Variants in GALC observed in about 807,000 individuals in gnomAD.
GALC encodes the protein galactocerebrosidase.
A neutral mutation model predicts 91.8 loss-of-function variants in GALC; 77 were observed. The ratio of observed to expected loss-of-function variants is 0.84; its 90% confidence interval spans 0.70 to 1.01. The LOEUF is 1.01. GALC is among the 50% of genes least tolerant of loss of function. GALC has a pLI of 0.00. For synonymous variants in GALC, 357 were observed against 306.7 expected (o/e 1.16, Z -1.71); for missense variants, 882 against 855.9 (o/e 1.03, Z -0.38).
At chr14:87,956,808 GATCA>G (rs1885577603) in intron 10 of GALC, among the ~76,000 whole-genome samples, 1 of 151,844 alleles carries the variant, frequency 6.6e-6, no homozygotes, top group South Asian at 2.1e-4. Flanking sequence ...ATGAATGGCA[GATCA>G]ATCAATTTAG....
intron 10 of GALC, chr14:87,953,190 C>T: frequency 1.3e-6 from 2 of 1,498,784 alleles, no homozygotes; most frequent in African/African-American, 2.8e-5. Flanking sequence ...AGGTCTCAGA[C>T]CTTAAAATGT....
At chr14:87,947,986 G>T in intron 12 of GALC, 108 bp from the exon 13 acceptor site, 1 of 946,896 alleles carries the variant, frequency 1.1e-6, no homozygotes, top group Non-Finnish European at 1.6e-6. Flanking sequence ...AATCATTTCT[G>T]TTAGAACTTC....
chr14:87,959,331 G>C (rs1246623611), intron 10 of GALC, among the ~76,000 whole-genome samples: 1 of 152,170 alleles, frequency 6.6e-6, no homozygotes, highest in Non-Finnish European at 1.5e-5. Flanking sequence ...ACAAGTGTTG[G>C]TGAGGATGTG....
chr14:87,974,516 A>C (rs1466692197), intron 7 of GALC, among the ~76,000 whole-genome samples: 2 of 152,092 alleles, frequency 1.3e-5, no homozygotes, highest in Non-Finnish European at 2.9e-5. Context: ...GGAGAAATAG[A>C]CCCCACTAAC....
intron 16 of GALC, among the ~76,000 whole-genome samples, chr14:87,937,898 T>G (rs903815132): frequency 1.3e-5 from 2 of 150,822 alleles, no homozygotes; most frequent in Admixed American, 6.7e-5. Flanking sequence ...TTTGTTCCTG[T>G]GTTCTCTCAT....
intron 8 of GALC, among the ~76,000 whole-genome samples, chr14:87,966,516 T>C (rs944544382): frequency 6.6e-6 from 1 of 152,188 alleles, no homozygotes; most frequent in Non-Finnish European, 1.5e-5. Flanking sequence ...AAAAAGAGAC[T>C]GACATTCTTA....
upstream of GALC, chr14:87,993,516 C>T (rs1887336149): frequency 6.6e-7 from 1 of 1,518,514 alleles, no homozygotes; most frequent in Non-Finnish European, 8.8e-7. Context: ...GAGTATCTAC[C>T]TCGTGCGAGG....
intron 2 of GALC, 33 bp downstream of exon 2, chr14:87,988,420 TCA>T (rs1257717129): frequency 6.9e-7 from 1 of 1,443,180 alleles, no homozygotes. Context: ...TTCTAAAATA[TCA>T]CAGGTACCAT....
chr14:87,954,486 G>A lies in GALC; in HGVS notation c.1162-3738C>T, dbSNP rs143163179. 1,773 of 1,570,170 alleles carry A rather than the reference G, an allele frequency of 1.1e-3. 13 individuals carry two copies. In the African/African-American group the frequency reaches 0.022, roughly 19 times the overall value. On this transcript the variant is annotated intron_variant, in intron 10 of 16. Transcript: ENST00000261304. ...GAATTTAAATATCTTTTTGTTCAGC[G>A]CAATTACACACTAGAAAACCTAAAA...
At chr14:87,984,119 T>A (rs1886863341) in intron 5 of GALC, among the ~76,000 whole-genome samples, 1 of 135,250 alleles carries the variant, frequency 7.4e-6, no homozygotes. Context: ...GAAGGAGAAT[T>A]TGAGTTGGGT....
rs116258242 is a variant in GALC at position 87,988,594 on chromosome 14, G to A, written c.196-71C>T. On this transcript the variant is annotated intron_variant, in intron 1 of 16. Coordinates refer to ENST00000261304, the MANE Select transcript of GALC (RefSeq NM_000153.4). The stretch of plus-strand genomic sequence containing the variant: ...ATGAATATCTGTCTACAGTGTTCAC[G>A]CACACCACCTGGTATACACATATTT... 8.7e-3 allele frequency: 9,086 copies of A among 1,048,704 alleles called. 555 individuals are homozygous for A. In the African/African-American group the frequency reaches 0.13, roughly 15 times the overall value. 65.0% of individuals were successfully genotyped at this position (1,048,704 alleles called of 1,614,324 possible). A position where few individuals can be genotyped will look rare whatever the true frequency, so the allele number is the denominator to read the frequency against.
intron 7 of GALC, among the ~76,000 whole-genome samples, chr14:87,970,287 T>C (rs1886231516): frequency 6.6e-6 from 1 of 152,138 alleles, no homozygotes; most frequent in Non-Finnish European, 1.5e-5. Context: ...CACTGTAAAG[T>C]AATATGCTAG....
intron 10 of GALC, chr14:87,953,044 T>C (rs1595201593): frequency 2.9e-6 from 4 of 1,364,902 alleles, no homozygotes. Context: ...ACTAAACAAA[T>C]TAATATAGGG....
rs191997404 is a variant in GALC at position 87,985,302 on chromosome 14, C to A, written c.443-769G>T. ...GTTCACCACTGAAAAAAATAAAAATCAAAATGACAAAATGCTTATTTTCTA... is the reference window on the plus strand; with the variant it reads ...GTTCACCACTGAAAAAAATAAAAATAAAAATGACAAAATGCTTATTTTCTA... On this transcript the variant is annotated intron_variant, in intron 4 of 16. Coordinates refer to ENST00000261304, the MANE Select transcript of GALC (RefSeq NM_000153.4). Among the ~76,000 whole-genome samples the A allele has an allele frequency of 5.9e-3, 896 of 152,106 alleles. 11 individuals are homozygous for A. Among genetic ancestry groups the A allele is most frequent in the African/African-American group, 0.019 (773 of 41,504 alleles).
intron 3 of GALC, 36 bp downstream of exon 3, chr14:87,988,108 T>C (rs375868302): frequency 1.1e-5 from 16 of 1,522,136 alleles, no homozygotes; most frequent in African/African-American, 2.7e-5. Flanking sequence ...GATTAAAATG[T>C]TGATGGGAGA....
intron 16 of GALC, among the ~76,000 whole-genome samples, chr14:87,936,896 C>CCATATATATATA (rs1555378200): frequency 5.7e-4 from 2 of 3,530 alleles, no homozygotes; most frequent in African/African-American, 7.0e-4. Context: ...ATATCAGGTA[C>CCATATATATATA]TATATATATA....
intron 10 of GALC, among the ~76,000 whole-genome samples, chr14:87,956,036 C>G (rs1885525325): frequency 6.6e-6 from 1 of 151,650 alleles, no homozygotes; most frequent in Non-Finnish European, 1.5e-5. Context: ...ACACTAACTT[C>G]AAACCACCCC....
At position 87,934,765 on chromosome 14, in the gene GALC, C is replaced by A; in HGVS notation, c.2025G>T (p.Gln675His). ...TGGCTTCCACAAGAAAGTTGTCAAA[C>A]TGTGCAAATTCAAAGGAGTGAGTTC... ...AIGTHSFEFAQFDNFLVEATR is the reference protein window; with the variant it reads ...AIGTHSFEFAHFDNFLVEATR The change falls in exon 17 of 17, where the codon CAG (glutamine) becomes CAT (histidine). Residue 675 changes from glutamine to histidine, a missense_variant. Coordinates refer to ENST00000261304, the MANE Select transcript of GALC (RefSeq NM_000153.4). 3.1e-6 allele frequency: 5 copies of A among 1,613,274 alleles called. No individual in the cohort carries two copies. The highest frequency in any genetic ancestry group is 4.2e-6 in the Non-Finnish European group (5 of 1,179,490).
At chr14:87,977,645 A>C (rs1291774113) in intron 6 of GALC, among the ~76,000 whole-genome samples, 1 of 152,220 alleles carries the variant, frequency 6.6e-6, no homozygotes, top group Non-Finnish European at 1.5e-5. Flanking sequence ...AATCTCTGGC[A>C]CATAGCAGCA....
Sources: allele counts gnomAD v4.1 joint callset (sites outside exome capture counted in the v4.1 genomes callset), GRCh38; gene constraint gnomAD v4.1.1; transcripts MANE v1.5; gene names NCBI Gene and HGNC (gene_info 2026-07-23, HGNC 2026-07-21).